Variants in GALNT13 observed in about 807,000 individuals in gnomAD.
GALNT13 encodes the protein polypeptide N-acetylgalactosaminyltransferase 13, also known as UDP-GalNAc:polypeptide N-acetylgalactosaminyltransferase 13.
GALNT13 carries 28 observed loss-of-function variants against 64.2 expected under a neutral mutation model. The ratio of observed to expected loss-of-function variants is 0.44; its 90% CI spans 0.32 to 0.60. The LOEUF is 0.60. Among genes scored for constraint, GALNT13 ranks in the 20% least tolerant of loss-of-function variants. The probability of loss-of-function intolerance (pLI) is 0.05; values close to 1 mark genes in which losing one functional copy is unlikely to be tolerated. For synonymous variants in GALNT13, 214 were observed against 224.6 expected (o/e 0.95, Z 0.42); for missense variants, 577 against 669.8 (o/e 0.86, Z 1.53).
At chr2:153,778,195 T>C in the GALNT13 span, among the ~76,000 whole-genome samples, 2 of 152,208 alleles carry the variant, frequency 1.3e-5, no homozygotes, top group Non-Finnish European at 2.9e-5. Flanking sequence ...GCTGTCTGTG[T>C]GTTCCTCTGC....
chr2:153,935,260 A>G (rs1442664426), intron 2 of GALNT13, among the ~76,000 whole-genome samples: 1 of 152,188 alleles, frequency 6.6e-6, no homozygotes, highest in Non-Finnish European at 1.5e-5. Context: ...TTTACATAGA[A>G]CTGCTTATCT....
chr2:153,606,003 A>T, the GALNT13 span, among the ~76,000 whole-genome samples: 13 of 152,150 alleles, frequency 8.5e-5, no homozygotes, highest in East Asian at 1.9e-3. Context: ...CCAGAAGGCT[A>T]TATTCCAAAC....
chr2:153,718,710 T>C, the GALNT13 span, among the ~76,000 whole-genome samples: 1 of 152,146 alleles, frequency 6.6e-6, no homozygotes, highest in Non-Finnish European at 1.5e-5. Flanking sequence ...CTGTGAGAAG[T>C]TACAGAGAAT....
intron 12 of GALNT13, among the ~76,000 whole-genome samples, chr2:154,444,656 C>A (rs992733725): frequency 6.6e-6 from 1 of 152,026 alleles, no homozygotes; most frequent in Non-Finnish European, 1.5e-5. Context: ...TTCTAAGAAT[C>A]ATTTCCAAAG....
the GALNT13 span, among the ~76,000 whole-genome samples, chr2:153,328,368 G>T: frequency 6.6e-6 from 1 of 152,170 alleles, no homozygotes. Context: ...GAGCCTGCAG[G>T]CAGAAATATT....
intron 6 of GALNT13, among the ~76,000 whole-genome samples, chr2:154,243,907 G>C (rs893023426): frequency 1.8e-4 from 27 of 152,326 alleles, no homozygotes; most frequent in African/African-American, 6.5e-4. Context: ...CAGGAAGATG[G>C]ATGGAAGCTG....
chr2:153,816,411 G>C, the GALNT13 span, among the ~76,000 whole-genome samples: 1 of 152,158 alleles, frequency 6.6e-6, no homozygotes, highest in Non-Finnish European at 1.5e-5. Context: ...AGTGGTAAGA[G>C]ATAAAGTAGA....
Position 154,291,582 on chromosome 2 carries a change from G to A in GALNT13, c.976-9827G>A, listed in dbSNP as rs566122386. Among the ~76,000 whole-genome samples the A allele has an allele frequency of 1.1e-4, 17 of 152,306 alleles. No individual in the cohort carries two copies. In the East Asian group the frequency reaches 1.2e-3, roughly 10 times the overall value. The stretch of plus-strand genomic sequence containing the variant: ...CAGTCAAGCCCAGCAGGTGCTGGCC[G>A]GCCACGCTGGGTGCGGGGCCCACCG... On this transcript the variant is annotated intron_variant, in intron 8 of 12. Coordinates refer to ENST00000392825, the MANE Select transcript of GALNT13 (RefSeq NM_052917.4).
intron 2 of GALNT13, among the ~76,000 whole-genome samples, chr2:153,939,134 G>A (rs1691158323): frequency 6.6e-6 from 1 of 152,182 alleles, no homozygotes. Context: ...TGAGAAGACA[G>A]TGAGTAAGGT....
chr2:153,801,585 C>T, the GALNT13 span, among the ~76,000 whole-genome samples: 1 of 151,954 alleles, frequency 6.6e-6, no homozygotes, highest in Admixed American at 6.6e-5. Context: ...TCATGGCACC[C>T]CAAAAGAGTT....
the GALNT13 span, among the ~76,000 whole-genome samples, chr2:153,274,842 T>C: frequency 1.3e-5 from 2 of 152,270 alleles, no homozygotes; most frequent in South Asian, 4.1e-4. Context: ...ATTCATTTTG[T>C]AGAAGTAGGG....
At chr2:153,120,628 G>A in the GALNT13 span, among the ~76,000 whole-genome samples, 1 of 152,252 alleles carries the variant, frequency 6.6e-6, no homozygotes, top group Middle Eastern at 3.4e-3. Context: ...GAATTTTACT[G>A]CCTCATGTGT....
the GALNT13 span, among the ~76,000 whole-genome samples, chr2:153,395,662 G>A: frequency 2.0e-5 from 3 of 152,106 alleles, no homozygotes; most frequent in Non-Finnish European, 4.4e-5. Context: ...GAGACAAGTA[G>A]GCTTGAATCT....
the GALNT13 span, among the ~76,000 whole-genome samples, chr2:153,825,167 T>G: frequency 6.6e-6 from 1 of 152,178 alleles, no homozygotes; most frequent in African/African-American, 2.4e-5. Context: ...CAGAGCTTGA[T>G]GAGAACTATG....
the GALNT13 span, among the ~76,000 whole-genome samples, chr2:153,480,151 CAATT>C: frequency 1.2e-4 from 18 of 152,226 alleles, no homozygotes; most frequent in Admixed American, 3.9e-4. Flanking sequence ...GTACAGTTGT[CAATT>C]AAAAATAAAA....
At chr2:153,265,057 G>A in the GALNT13 span, among the ~76,000 whole-genome samples, 2 of 152,184 alleles carry the variant, frequency 1.3e-5, no homozygotes, top group African/African-American at 4.8e-5. Context: ...GGAAGACAAA[G>A]TCATTTTTTA....
At chr2:154,077,159 T>C (rs1342572492) in intron 3 of GALNT13, among the ~76,000 whole-genome samples, 2 of 151,638 alleles carry the variant, frequency 1.3e-5, no homozygotes, top group African/African-American at 4.8e-5. Context: ...TTGTTTTGTG[T>C]GCTTAGTGGA....
At chr2:153,891,928 A>T (rs772867323) in intron 1 of GALNT13, among the ~76,000 whole-genome samples, 11 of 152,010 alleles carry the variant, frequency 7.2e-5, no homozygotes, top group Non-Finnish European at 1.5e-4. Context: ...TTATCATAGA[A>T]GTCCATGATT....
At chr2:154,337,279 T>C (rs1239716376) in intron 9 of GALNT13, among the ~76,000 whole-genome samples, 6 of 152,112 alleles carry the variant, frequency 3.9e-5, no homozygotes, top group Admixed American at 2.6e-4. Context: ...CAGAGTAATA[T>C]ATGTTCACTG....
Sources: gnomAD v4.1 joint callset for allele counts (sites outside exome capture counted in the v4.1 genomes callset) on GRCh38, gnomAD v4.1.1 for gene constraint, MANE v1.5 for transcripts, NCBI Gene and HGNC (gene_info 2026-07-23, HGNC 2026-07-21) for gene names.